C10orf90: variants seen among roughly 807,000 people sequenced by gnomAD.
C10orf90 encodes the protein (E2-independent) E3 ubiquitin-conjugating enzyme FATS.
C10orf90 carries 56 observed loss-of-function variants against 62.5 expected under a neutral mutation model. That is an observed-to-expected ratio of 0.90 (90% CI 0.72 to 1.12). The LOEUF is 1.12. C10orf90 is among the 50% of genes most tolerant of loss of function. C10orf90 has a pLI of 0.00. For missense variants in C10orf90, 970 were observed against 880.4 expected (o/e 1.10, Z -1.29); for synonymous variants, 386 against 340.4 (o/e 1.13, Z -1.47).
At chr10:126,461,138 A>G (rs1426067723) in intron 6 of C10orf90, among the ~76,000 whole-genome samples, 4 of 152,176 alleles carry the variant, frequency 2.6e-5, no homozygotes, top group African/African-American at 9.7e-5. Context: ...ATGCTGGAGC[A>G]TCCATCACTG....
intron 2 of C10orf90, among the ~76,000 whole-genome samples, chr10:126,578,901 A>G (rs1040371529): frequency 6.6e-6 from 1 of 152,196 alleles, no homozygotes; most frequent in Non-Finnish European, 1.5e-5. Flanking sequence ...CACTATGCCA[A>G]TCCCAGAAGG....
At chr10:126,489,982 T>TA (rs1861633030) in intron 4 of C10orf90, among the ~76,000 whole-genome samples, 1 of 111,210 alleles carries the variant, frequency 9.0e-6, no homozygotes, top group African/African-American at 3.4e-5. Context: ...ACATATAATA[T>TA]ATATATAATA....
At chr10:126,452,743 A>G (rs1337935429) in intron 7 of C10orf90, among the ~76,000 whole-genome samples, 3 of 152,240 alleles carry the variant, frequency 2.0e-5, no homozygotes, top group African/African-American at 7.2e-5. Flanking sequence ...CAATAATAAA[A>G]GTGTACAAGT....
At chr10:126,531,740 C>G (rs1174626274) in intron 2 of C10orf90, among the ~76,000 whole-genome samples, 1 of 151,796 alleles carries the variant, frequency 6.6e-6, no homozygotes, top group Non-Finnish European at 1.5e-5. Context: ...TTTCTTGCAC[C>G]CAGAAAATAA....
At chr10:126,486,414 T>C (rs1031426195) in intron 4 of C10orf90, among the ~76,000 whole-genome samples, 5 of 152,276 alleles carry the variant, frequency 3.3e-5, no homozygotes, top group Middle Eastern at 3.4e-3. Flanking sequence ...ACAATATATA[T>C]GGACCAGAAA....
intron 2 of C10orf90, among the ~76,000 whole-genome samples, chr10:126,640,595 T>C (rs1846040189): frequency 6.6e-6 from 1 of 152,176 alleles, no homozygotes; most frequent in South Asian, 2.1e-4. Flanking sequence ...TGGTTGTGGT[T>C]GTGCAATCAA....
chr10:126,597,544 T>C (rs139126879), intron 2 of C10orf90, among the ~76,000 whole-genome samples: 19 of 152,252 alleles, frequency 1.2e-4, no homozygotes, highest in African/African-American at 4.6e-4. Context: ...AGCTTTGCAT[T>C]TTAAAAAGAC....
At chr10:126,565,098 A>ATT (rs1491115708) in intron 2 of C10orf90, among the ~76,000 whole-genome samples, 1 of 40,480 alleles carries the variant, frequency 2.5e-5, no homozygotes, top group Non-Finnish European at 4.4e-5. Context: ...TATATTATAT[A>ATT]ATATATAAAA....
At chr10:126,450,637 C>T (rs1859117571) in intron 7 of C10orf90, among the ~76,000 whole-genome samples, 1 of 152,072 alleles carries the variant, frequency 6.6e-6, no homozygotes, top group Non-Finnish European at 1.5e-5. Context: ...ATTGGATATC[C>T]ACATGCAGAA....
At chr10:126,615,600 GTTT>G (rs1845524398) in intron 2 of C10orf90, among the ~76,000 whole-genome samples, 1 of 152,062 alleles carries the variant, frequency 6.6e-6, no homozygotes, top group African/African-American at 2.4e-5. Flanking sequence ...AAATGGTTAT[GTTT>G]TACCCCCCTA....
intron 2 of C10orf90, among the ~76,000 whole-genome samples, chr10:126,534,364 C>T (rs1864180075): frequency 6.6e-6 from 1 of 152,180 alleles, no homozygotes; most frequent in African/African-American, 2.4e-5. Context: ...CTCTTCTCTG[C>T]CATTTCTGTT....
chr10:126,452,080 T>C (rs1712735014), intron 7 of C10orf90, among the ~76,000 whole-genome samples: 1 of 152,172 alleles, frequency 6.6e-6, no homozygotes, highest in Non-Finnish European at 1.5e-5. Context: ...TAATACATCT[T>C]AAATATTCTC....
chr10:126,527,574 G>A (rs1340520659), intron 2 of C10orf90, among the ~76,000 whole-genome samples: 1 of 152,246 alleles, frequency 6.6e-6, no homozygotes, highest in South Asian at 2.1e-4. Flanking sequence ...CAAGGGGGCT[G>A]AGAGAATGTT....
At chr10:126,529,762 C>T (rs2133953649) in intron 2 of C10orf90, among the ~76,000 whole-genome samples, 1 of 152,254 alleles carries the variant, frequency 6.6e-6, no homozygotes, top group Non-Finnish European at 1.5e-5. Context: ...GTGTGATCAG[C>T]AAGCAGCAAC....
intron 2 of C10orf90, among the ~76,000 whole-genome samples, chr10:126,603,116 G>A (rs544192089): frequency 6.6e-5 from 10 of 152,206 alleles, no homozygotes; most frequent in African/African-American, 2.4e-4. Flanking sequence ...TTCCAGTCTG[G>A]AGGTGGAGCT....
At chr10:126,488,648 T>C (rs1318738586) in intron 4 of C10orf90, among the ~76,000 whole-genome samples, 3 of 151,976 alleles carry the variant, frequency 2.0e-5, no homozygotes, top group African/African-American at 7.2e-5. Context: ...GACAAAACTA[T>C]CATTATCAGG....
At chr10:126,507,515 A>G (rs1260400527) in intron 3 of C10orf90, among the ~76,000 whole-genome samples, 4 of 150,402 alleles carry the variant, frequency 2.7e-5, no homozygotes, top group African/African-American at 9.7e-5. Flanking sequence ...AAAAAAAAAA[A>G]GGTCAATGCA....
At chr10:126,564,164 G>T (rs778013775) in intron 2 of C10orf90, among the ~76,000 whole-genome samples, 1 of 152,008 alleles carries the variant, frequency 6.6e-6, no homozygotes, top group Non-Finnish European at 1.5e-5. Flanking sequence ...CTGTAGATCT[G>T]CAGGCTCGGA....
intron 2 of C10orf90, among the ~76,000 whole-genome samples, chr10:126,527,404 G>A (rs7089220): frequency 0.059 from 8,908 of 152,144 alleles, 843 homozygotes; most frequent in African/African-American, 0.2. Flanking sequence ...TTTATAACTG[G>A]GCTGTTTGTC....
Sources: gnomAD v4.1 joint callset for allele counts (sites outside exome capture counted in the v4.1 genomes callset) on GRCh38, gnomAD v4.1.1 for gene constraint, MANE v1.5 for transcripts, NCBI Gene and HGNC (gene_info 2026-07-23, HGNC 2026-07-21) for gene names.